Variants in AKAP9 observed in about 807,000 individuals in gnomAD.
AKAP9 encodes the protein A-kinase anchor protein 9.
In AKAP9, 311 loss-of-function variants were observed where a neutral mutation model predicts 488.5. The ratio of observed to expected loss-of-function variants is 0.64; its 90% CI spans 0.58 to 0.70. AKAP9 has a LOEUF of 0.70. AKAP9 is among the 30% of genes least tolerant of loss of function. AKAP9 has a pLI of 0.00. For missense variants in AKAP9, 4,215 were observed against 4,374.5 expected, an observed-to-expected ratio of 0.96 and a Z score of 1.03; for synonymous variants, 1,462 against 1,483.5, an observed-to-expected ratio of 0.99 and a Z score of 0.33.
At chr7:92,061,967 T>G (rs1285714168) in intron 23 of AKAP9, among the ~76,000 whole-genome samples, 1 of 152,168 alleles carries the variant, frequency 6.6e-6, no homozygotes, top group Admixed American at 6.5e-5. Flanking sequence ...AGAAACTTAC[T>G]GTTTATATCT....
intron 29 of AKAP9, 89 bp downstream of exon 29, chr7:92,077,096 CTTTTTTTT>C: frequency 3.9e-6 from 1 of 256,430 alleles, no homozygotes; most frequent in Non-Finnish European, 6.1e-6. Flanking sequence ...TTATTTCTTT[CTTTTTTTT>C]TTTTTTTTTG....
At position 92,108,488 on chromosome 7, in the gene AKAP9, C is replaced by G; in HGVS notation, c.11547-6C>G. Reference sequence around the variant, plus strand: ...TTGATTCATGTACATATTTTTAATCCTTTAGGTACCCAGGCACTCCAGCTG... The same window carrying G: ...TTGATTCATGTACATATTTTTAATCGTTTAGGTACCCAGGCACTCCAGCTG... On this transcript the variant is annotated splice_region_variant and splice_polypyrimidine_tract_variant and intron_variant, in intron 48 of 49. Transcript: ENST00000356239. 4 of 1,613,848 alleles carry G rather than the reference C, an allele frequency of 2.5e-6. No individual in the cohort carries two copies. Among genetic ancestry groups the G allele is most frequent in the Non-Finnish European group, 3.4e-6 (4 of 1,179,992 alleles).
chr7:92,029,246 A>C (rs1347412969), intron 14 of AKAP9, among the ~76,000 whole-genome samples: 1 of 152,190 alleles, frequency 6.6e-6, no homozygotes, highest in East Asian at 1.9e-4. Flanking sequence ...GAATACCAAA[A>C]GATAAAACAA....
At chr7:92,102,913 T>A (rs1817822595) in intron 46 of AKAP9, 87 bp downstream of exon 46, 1 of 1,179,424 alleles carries the variant, frequency 8.5e-7, no homozygotes, top group African/African-American at 1.5e-5. Flanking sequence ...CTCTGCTGGT[T>A]ATACTCTATA....
intron 1 of AKAP9, among the ~76,000 whole-genome samples, chr7:91,967,136 A>G (rs929999103): frequency 6.6e-6 from 1 of 152,126 alleles, no homozygotes; most frequent in Non-Finnish European, 1.5e-5. Context: ...GTTGGTATAT[A>G]TAATTTCTAT....
chr7:91,961,821 G>A (rs901759477), intron 1 of AKAP9, among the ~76,000 whole-genome samples: 2 of 151,838 alleles, frequency 1.3e-5, no homozygotes, highest in Admixed American at 1.3e-4. Context: ...TCCAGCCTGG[G>A]CAACAGAGTG....
intron 1 of AKAP9, among the ~76,000 whole-genome samples, chr7:91,963,290 G>A (rs1438138539): frequency 6.6e-6 from 1 of 152,100 alleles, no homozygotes; most frequent in Non-Finnish European, 1.5e-5. Flanking sequence ...GAATAACTGT[G>A]TAGTTGCTGA....
At chr7:92,085,730 T>G (rs1453564664) in intron 36 of AKAP9, 44 bp downstream of exon 36, 1 of 1,369,290 alleles carries the variant, frequency 7.3e-7, no homozygotes, top group South Asian at 1.3e-5. Flanking sequence ...TATGTATTAT[T>G]TGAACAATAA....
At chr7:92,105,815 G>T in intron 47 of AKAP9, 52 bp downstream of exon 47, 1 of 1,465,610 alleles carries the variant, frequency 6.8e-7, no homozygotes, top group Non-Finnish European at 9.6e-7. Context: ...TAAATCAGAG[G>T]TCCCCCACCC....
At chr7:92,018,400 A>G (rs1010378344) in intron 12 of AKAP9, among the ~76,000 whole-genome samples, 15 of 78,616 alleles carry the variant, frequency 1.9e-4, no homozygotes, top group Non-Finnish European at 3.0e-4. Flanking sequence ...AATATAACAC[A>G]CACACACACA....
intron 37 of AKAP9, among the ~76,000 whole-genome samples, chr7:92,087,276 G>A (rs1814716524): frequency 6.6e-6 from 1 of 152,084 alleles, no homozygotes; most frequent in Non-Finnish European, 1.5e-5. Flanking sequence ...TAGACACACT[G>A]GTACAATAGG....
intron 1 of AKAP9, among the ~76,000 whole-genome samples, chr7:91,970,921 T>C (rs150206175): frequency 2.2e-3 from 340 of 152,338 alleles, no homozygotes; most frequent in Admixed American, 3.6e-3. Flanking sequence ...TTATTATTTC[T>C]TGAATAAGAT....
At chr7:92,082,373 C>G in intron 31 of AKAP9, 149 bp from the exon 32 acceptor site, 2 of 750,038 alleles carry the variant, frequency 2.7e-6, no homozygotes, top group Non-Finnish European at 4.3e-6. Flanking sequence ...AAAAGCTTCT[C>G]TGTTTTTGGA....
At chr7:92,025,966 A>C (rs1026903003) in intron 14 of AKAP9, among the ~76,000 whole-genome samples, 1 of 152,240 alleles carries the variant, frequency 6.6e-6, no homozygotes, top group African/African-American at 2.4e-5. Flanking sequence ...GCTGGAATTT[A>C]AACCCATGTC....
At chr7:92,090,769 C>T (rs1815402620) in intron 38 of AKAP9, 1 of 151,868 alleles carries the variant, frequency 6.6e-6, no homozygotes, top group African/African-American at 2.4e-5. Context: ...TATAGTGTTT[C>T]TGCTACATAT....
rs536358566 is a variant in AKAP9 at position 91,996,705 on chromosome 7, G to A, written c.930+905G>A. 2.0e-5 allele frequency among the ~76,000 whole-genome samples: 3 copies of A among 152,200 alleles called. No homozygotes were observed. The South Asian group carries it at 6.2e-4, about 32-fold the overall frequency. ...ATTTTAGCAAGAACTCACAAATATGGAATCTACAAAGAATGAGGATGGATT... is the reference window on the plus strand; with the variant it reads ...ATTTTAGCAAGAACTCACAAATATGAAATCTACAAAGAATGAGGATGGATT... On this transcript the variant is annotated intron_variant, in intron 7 of 49. Coordinates refer to ENST00000356239, the MANE Select transcript of AKAP9 (RefSeq NM_005751.5).
intron 16 of AKAP9, among the ~76,000 whole-genome samples, chr7:92,034,217 CAGGTGTCT>C (rs577334354): frequency 8.8e-4 from 134 of 152,196 alleles, no homozygotes; most frequent in African/African-American, 3.1e-3. Flanking sequence ...ATTACTCTAA[CAGGTGTCT>C]TTAAGACACG....
chr7:92,103,250 C>T (rs1325236794), intron 46 of AKAP9, among the ~76,000 whole-genome samples: 2 of 151,796 alleles, frequency 1.3e-5, no homozygotes, highest in African/African-American at 4.8e-5. Context: ...ATTAGCTGGG[C>T]GTAGTGGCAG....
chr7:92,083,640 T>G lies in AKAP9; in HGVS notation c.8631T>G (p.Cys2877Trp), dbSNP rs1563113459. 1 of 1,611,606 alleles carries G rather than the reference T, an allele frequency of 6.2e-7. No homozygotes were observed. Among genetic ancestry groups the G allele is most frequent in the Non-Finnish European group, 8.5e-7 (1 of 1,179,408 alleles). ...GTACCTTGAAGGCAGTGATACAGTG[T>G]CTGAGAAGTAAAGAGGTATTTGGTT... ...ECGTLKAVIQ[C>W]LRSKEGSSIP... Residue 2877 changes from cysteine to tryptophan, a missense_variant, in exon 33 of 50, where the codon TGT becomes TGG. By Grantham distance (215) the Cys-to-Trp change is radical (BLOSUM62 -2). Transcript: ENST00000356239.
Sources: allele counts gnomAD v4.1 joint callset (sites outside exome capture counted in the v4.1 genomes callset), GRCh38; gene constraint gnomAD v4.1.1; transcripts MANE v1.5; gene names NCBI Gene and HGNC (gene_info 2026-07-23, HGNC 2026-07-21).